The following MAGI2 variants were observed in gnomAD, a reference collection of about 807,000 sequenced individuals.
MAGI2 encodes membrane associated guanylate kinase, WW and PDZ domain containing 2, also known as membrane-associated guanylate kinase, WW and PDZ domain-containing protein 2.
A neutral mutation model predicts 133.3 loss-of-function variants in MAGI2; 35 were observed. The observed-to-expected ratio is 0.26, with a 90% CI of 0.20 to 0.35. MAGI2 has a LOEUF of 0.35. MAGI2 is among the 10% of genes least tolerant of loss of function. The pLI is 1.00. For missense variants in MAGI2, 1,636 were observed against 1,863.4 expected (o/e 0.88, Z 2.25); for synonymous variants, 729 against 710.6 (o/e 1.03, Z -0.41).
At chr7:79,141,755 T>C (rs1822151683) in intron 1 of MAGI2, among the ~76,000 whole-genome samples, 1 of 152,128 alleles carries the variant, frequency 6.6e-6, no homozygotes, top group Admixed American at 6.6e-5. Context: ...TCGTGTTTTT[T>C]TTTTCGCAGA....
intron 10 of MAGI2, among the ~76,000 whole-genome samples, chr7:78,228,499 A>G (rs1341712799): frequency 6.6e-6 from 1 of 152,234 alleles, no homozygotes; most frequent in Non-Finnish European, 1.5e-5. Context: ...GCAATGATAG[A>G]GCAGGTTCCT....
chr7:78,075,376 C>CT (rs34396344), intron 21 of MAGI2, among the ~76,000 whole-genome samples: 40,023 of 126,468 alleles, frequency 0.32, 8,135 homozygotes, highest in African/African-American at 0.54. Flanking sequence ...TGTAATAAAT[C>CT]TTTTTTTTTT....
chr7:79,414,453 T>G (rs2129174018), intron 1 of MAGI2: 1 of 152,260 alleles, frequency 6.6e-6, no homozygotes, highest in Admixed American at 6.5e-5. Flanking sequence ...CTGTACACAA[T>G]TTGGTCAAAG....
intron 2 of MAGI2, among the ~76,000 whole-genome samples, chr7:78,962,232 T>C (rs1368607614): frequency 6.6e-6 from 1 of 152,082 alleles, no homozygotes; most frequent in East Asian, 1.9e-4. Flanking sequence ...AAATAAATGA[T>C]GGATTATCAT....
At chr7:78,898,664 T>C (rs1004131896) in intron 2 of MAGI2, among the ~76,000 whole-genome samples, 2 of 151,864 alleles carry the variant, frequency 1.3e-5, no homozygotes, top group Non-Finnish European at 2.9e-5. Context: ...AGGATCAGGG[T>C]GGGAGGAGGG....
chr7:78,876,348 A>G (rs1248150636), intron 2 of MAGI2, among the ~76,000 whole-genome samples: 1 of 150,706 alleles, frequency 6.6e-6, no homozygotes, highest in East Asian at 2.0e-4. Context: ...AAAAATTGGA[A>G]CAACATCATT....
intron 6 of MAGI2, among the ~76,000 whole-genome samples, chr7:78,399,682 A>G (rs1406259302): frequency 6.6e-6 from 1 of 151,880 alleles, no homozygotes; most frequent in Admixed American, 6.6e-5. Context: ...GCACATGCCT[A>G]TAATTCCAGC....
chr7:79,236,998 G>A (rs1383854181), intron 1 of MAGI2, among the ~76,000 whole-genome samples: 1 of 152,122 alleles, frequency 6.6e-6, no homozygotes, highest in African/African-American at 2.4e-5. Flanking sequence ...TGAGCAACGA[G>A]TGTGCCACTG....
chr7:78,735,739 T>C (rs970279007), intron 2 of MAGI2, among the ~76,000 whole-genome samples: 3 of 152,206 alleles, frequency 2.0e-5, no homozygotes, highest in Non-Finnish European at 4.4e-5. Flanking sequence ...TTATCTGAAA[T>C]GGAGGAGAGC....
At chr7:79,328,447 A>C (rs1286859384) in intron 1 of MAGI2, among the ~76,000 whole-genome samples, 1 of 152,166 alleles carries the variant, frequency 6.6e-6, no homozygotes, top group Non-Finnish European at 1.5e-5. Context: ...ATAACTACCA[A>C]TTATGCACTA....
rs139566235 is a variant in MAGI2 at position 78,435,977 on chromosome 7, G to A, written c.1045+53784C>T. 3.2e-3 allele frequency among the ~76,000 whole-genome samples: 491 copies of A among 152,238 alleles called. 3 individuals carry two copies. The highest frequency in any genetic ancestry group is 0.01 in the African/African-American group (421 of 41,568). On this transcript the variant is annotated intron_variant, in intron 6 of 21. Coordinates refer to ENST00000354212, the MANE Select transcript of MAGI2 (RefSeq NM_012301.4). ...GAGGACAAGGTCAAATGGGAAACAG[G>A]GAAATGCCATTTTGAACAAGGTCCT...
At chr7:78,501,857 C>T in intron 4 of MAGI2, 70 bp from the exon 5 acceptor site, 3 of 1,133,748 alleles carry the variant, frequency 2.6e-6, no homozygotes, top group East Asian at 2.4e-5. Flanking sequence ...ATGGAGAATG[C>T]TGTACCAGGG....
chr7:79,217,917 G>A (rs1328177477), intron 1 of MAGI2, among the ~76,000 whole-genome samples: 1 of 151,856 alleles, frequency 6.6e-6, no homozygotes, highest in African/African-American at 2.4e-5. Context: ...ATTTTCTTCT[G>A]TGAAAATGAC....
At chr7:78,936,816 T>C (rs1800552475) in intron 2 of MAGI2, among the ~76,000 whole-genome samples, 1 of 152,034 alleles carries the variant, frequency 6.6e-6, no homozygotes, top group African/African-American at 2.4e-5. Context: ...TGGTGTTGGA[T>C]TGCAATCAGA....
chr7:78,757,337 C>A (rs191105536), intron 2 of MAGI2, among the ~76,000 whole-genome samples: 1 of 150,726 alleles, frequency 6.6e-6, no homozygotes, highest in East Asian at 2.0e-4. Flanking sequence ...CCATAATCAT[C>A]AATTTCCTCT....
At position 78,668,375 on chromosome 7, in the gene MAGI2, T is replaced by A. The variant is rs532414286; in HGVS notation, c.419-41136A>T. On this transcript the variant is annotated intron_variant, in intron 2 of 21. Coordinates refer to ENST00000354212, the MANE Select transcript of MAGI2 (RefSeq NM_012301.4). ...TCACTCTGATGGTAGTTTCTTTTGC[T>A]GTGCAGAAGCTCTTTAGTTTAATTA... Among the ~76,000 whole-genome samples, 158 of 151,276 alleles carry A rather than the reference T, an allele frequency of 1.0e-3. 2 individuals carry two copies. Among genetic ancestry groups the A allele is most frequent in the African/African-American group, 3.4e-3 (141 of 40,938 alleles).
intron 6 of MAGI2, among the ~76,000 whole-genome samples, chr7:78,429,898 A>G (rs1463081078): frequency 2.6e-5 from 4 of 152,122 alleles, no homozygotes; most frequent in African/African-American, 9.7e-5. Flanking sequence ...AGGTATTGAG[A>G]GGTTAAGTAA....
chr7:78,185,936 A>T (rs1827655059), intron 12 of MAGI2, among the ~76,000 whole-genome samples: 1 of 152,150 alleles, frequency 6.6e-6, no homozygotes, highest in Admixed American at 6.5e-5. Flanking sequence ...TAAGATTACC[A>T]TTTCTAAATA....
intron 6 of MAGI2, among the ~76,000 whole-genome samples, chr7:78,388,291 ATCATCG>A (rs933266313): frequency 2.9e-5 from 4 of 140,264 alleles, no homozygotes; most frequent in African/African-American, 8.2e-5. Flanking sequence ...CATCATCATC[ATCATCG>A]TCATCATCAT....
Sources: gnomAD v4.1 joint callset for allele counts (sites outside exome capture counted in the v4.1 genomes callset) on GRCh38, gnomAD v4.1.1 for gene constraint, MANE v1.5 for transcripts, NCBI Gene and HGNC (gene_info 2026-07-23, HGNC 2026-07-21) for gene names.